Variants in RABGAP1L observed in about 807,000 individuals in gnomAD.
The protein encoded by RABGAP1L is rab GTPase-activating protein 1-like.
A neutral mutation model predicts 137.7 loss-of-function variants in RABGAP1L; 63 were observed. The ratio of observed to expected loss-of-function variants is 0.46; its 90% confidence interval spans 0.37 to 0.56. The LOEUF is 0.56. Among genes scored for constraint, RABGAP1L ranks in the 20% least tolerant of loss-of-function variants. The pLI is 0.00. For missense variants in RABGAP1L, 1,095 were observed against 1,244.0 expected (o/e 0.88, Z 1.80); for synonymous variants, 431 against 433.7 (o/e 0.99, Z 0.08).
intron 14 of RABGAP1L, among the ~76,000 whole-genome samples, chr1:174,672,776 C>T (rs1384877810): frequency 6.6e-6 from 1 of 152,028 alleles, no homozygotes; most frequent in Non-Finnish European, 1.5e-5. Context: ...AAACGTTCCT[C>T]CTGTTACTGA....
At chr1:174,221,325 T>C (rs1348592932) in intron 3 of RABGAP1L, among the ~76,000 whole-genome samples, 161 bp downstream of exon 3, 1 of 152,224 alleles carries the variant, frequency 6.6e-6, no homozygotes, top group African/African-American at 2.4e-5. Context: ...TCTCTGCCTA[T>C]AAAAATCAGG....
At chr1:174,357,326 A>T (rs1277374653) in intron 11 of RABGAP1L, among the ~76,000 whole-genome samples, 18 of 152,152 alleles carry the variant, frequency 1.2e-4, no homozygotes, top group Non-Finnish European at 1.5e-5. Context: ...ATTCTTAAGG[A>T]ATGTACACAA....
At chr1:174,298,231 G>A (rs1040463052) in intron 10 of RABGAP1L, among the ~76,000 whole-genome samples, 3 of 151,780 alleles carry the variant, frequency 2.0e-5, no homozygotes, top group East Asian at 1.9e-4. Flanking sequence ...TCCTCTTTCC[G>A]TCTTCTGTCC....
At chr1:174,489,505 C>G (rs1037393439) in intron 13 of RABGAP1L, among the ~76,000 whole-genome samples, 1 of 151,722 alleles carries the variant, frequency 6.6e-6, no homozygotes, top group East Asian at 1.9e-4. Context: ...GTTAGAATGG[C>G]GATCATTAAA....
intron 19 of RABGAP1L, among the ~76,000 whole-genome samples, chr1:174,901,121 A>G (rs562341304): frequency 6.6e-6 from 1 of 151,694 alleles, no homozygotes; most frequent in Non-Finnish European, 1.5e-5. Context: ...TGAAGTTCTC[A>G]TGTTGTGTTT....
intron 13 of RABGAP1L, among the ~76,000 whole-genome samples, chr1:174,415,584 C>T (rs1275562111): frequency 3.3e-5 from 5 of 152,016 alleles, no homozygotes; most frequent in Admixed American, 3.3e-4. Context: ...CATGACGCTT[C>T]TACCTTGATA....
intron 5 of RABGAP1L, among the ~76,000 whole-genome samples, chr1:174,247,057 C>G (rs1672326680): frequency 6.6e-6 from 1 of 152,126 alleles, no homozygotes. Context: ...CTGTATCACT[C>G]TGGCTCAGCT....
intron 19 of RABGAP1L, among the ~76,000 whole-genome samples, chr1:174,952,953 A>G (rs1667943215): frequency 6.7e-6 from 1 of 149,496 alleles, no homozygotes; most frequent in South Asian, 2.2e-4. Flanking sequence ...ACTTGAGGTT[A>G]GGAGTTCAAG....
intron 19 of RABGAP1L, among the ~76,000 whole-genome samples, chr1:174,901,279 T>C (rs1658102603): frequency 6.6e-6 from 1 of 152,164 alleles, no homozygotes; most frequent in Admixed American, 6.5e-5. Flanking sequence ...TACTCGAGAC[T>C]AGAGAATTGA....
intron 19 of RABGAP1L, among the ~76,000 whole-genome samples, chr1:174,842,515 T>G (rs1693527154): frequency 6.6e-6 from 1 of 152,214 alleles, no homozygotes; most frequent in Non-Finnish European, 1.5e-5. Context: ...TTTGTAGTCC[T>G]TTACTGTTTC....
intron 1 of RABGAP1L, among the ~76,000 whole-genome samples, chr1:174,162,775 CTGTTTTTT>C (rs1664589459): frequency 8.1e-4 from 19 of 23,426 alleles, no homozygotes; most frequent in African/African-American, 2.2e-3. Context: ...TTTTCTCTTT[CTGTTTTTT>C]TTTTTTTTTT....
chr1:174,745,812 G>T (rs182751698), intron 17 of RABGAP1L, among the ~76,000 whole-genome samples: 1 of 152,102 alleles, frequency 6.6e-6, no homozygotes, highest in Non-Finnish European at 1.5e-5. Flanking sequence ...TCTTCCTAGG[G>T]TGGTATGTTT....
At chr1:174,574,880 G>A (rs970246271) in intron 13 of RABGAP1L, among the ~76,000 whole-genome samples, 2 of 152,192 alleles carry the variant, frequency 1.3e-5, no homozygotes, top group African/African-American at 4.8e-5. Flanking sequence ...GGAAGGAAGA[G>A]TAGACTGGAT....
chr1:174,406,369 G>A (rs1193139961), intron 13 of RABGAP1L, among the ~76,000 whole-genome samples: 1 of 152,082 alleles, frequency 6.6e-6, no homozygotes, highest in Non-Finnish European at 1.5e-5. Context: ...TAGTTTTGAG[G>A]TAAATTAAGG....
intron 23 of RABGAP1L, among the ~76,000 whole-genome samples, chr1:174,982,303 G>T (rs184624628): frequency 3.3e-5 from 5 of 152,084 alleles, no homozygotes; most frequent in African/African-American, 9.6e-5. Flanking sequence ...CCCTCCACCA[G>T]GCCGCGGTGT....
chr1:174,847,367 G>A (rs536944218), intron 19 of RABGAP1L, among the ~76,000 whole-genome samples: 9 of 151,422 alleles, frequency 5.9e-5, no homozygotes, highest in Admixed American at 1.3e-4. Flanking sequence ...GGCTGGTACC[G>A]GTTGTTCCTT....
intron 10 of RABGAP1L, among the ~76,000 whole-genome samples, chr1:174,289,895 A>G (rs1180800390): frequency 1.3e-5 from 2 of 152,094 alleles, no homozygotes; most frequent in Non-Finnish European, 2.9e-5. Flanking sequence ...GCTGGGCTCT[A>G]CAGCTGGATG....
At chr1:174,875,614 A>G (rs1652960559) in intron 19 of RABGAP1L, 2 of 985,364 alleles carry the variant, frequency 2.0e-6, no homozygotes, top group African/African-American at 1.7e-5. Flanking sequence ...ACATCTAGAA[A>G]ATGTTGCAAG....
At chr1:174,475,964 G>A (rs1658464478) in intron 13 of RABGAP1L, among the ~76,000 whole-genome samples, 1 of 151,566 alleles carries the variant, frequency 6.6e-6, no homozygotes, top group Non-Finnish European at 1.5e-5. Flanking sequence ...TTATTATTTA[G>A]AAAGATTGTA....
Sources: gnomAD v4.1 joint callset for allele counts (sites outside exome capture counted in the v4.1 genomes callset) on GRCh38, gnomAD v4.1.1 for gene constraint, MANE v1.5 for transcripts, NCBI Gene and HGNC (gene_info 2026-07-23, HGNC 2026-07-21) for gene names.